KBTBD11: variants seen among roughly 807,000 people sequenced by gnomAD.
The protein encoded by KBTBD11 is kelch repeat and BTB domain-containing protein 11.
For missense variants in KBTBD11, 1,390 were observed against 1,001.8 expected, an observed-to-expected ratio of 1.39 and a Z score of -5.23; for synonymous variants, 747 against 499.0, an observed-to-expected ratio of 1.50 and a Z score of -6.63.
At chr8:1,982,495 A>G (rs1235731504) in intron 1 of KBTBD11, among the ~76,000 whole-genome samples, 1 of 113,786 alleles carries the variant, frequency 8.8e-6, no homozygotes, top group Admixed American at 1.0e-4. Flanking sequence ...AGACCCCACT[A>G]TATGCTGCCT....
intron 1 of KBTBD11, among the ~76,000 whole-genome samples, chr8:1,983,846 G>A (rs949379312): frequency 1.5e-4 from 23 of 152,220 alleles, no homozygotes; most frequent in African/African-American, 5.1e-4. Flanking sequence ...AGTCACACAT[G>A]GGGCTGGGCG....
At chr8:1,996,155 C>A (rs1332246828) in intron 1 of KBTBD11, among the ~76,000 whole-genome samples, 2 of 152,350 alleles carry the variant, frequency 1.3e-5, no homozygotes, top group East Asian at 3.9e-4. Flanking sequence ...TGAATGGCAT[C>A]TTTCTGGTGC....
At position 2,001,816 on chromosome 8, in the gene KBTBD11, G is replaced by A; in HGVS notation, c.624G>A (p.Val208=). ...GGCCCGACAACGTGGCCGAGGTGGT[G>A]GCCGGCGCGCGCCGCCTGCAGCTGC... ...GVRPDNVAEV[V]AGARRLQLPG... is the part of the protein sequence containing the mutation. The change falls in exon 2 of 2, where the codon GTG becomes GTA. Residue 208 remains valine, a synonymous_variant. Coordinates refer to ENST00000320248, the MANE Select transcript of KBTBD11 (RefSeq NM_014867.3). The A allele has an allele frequency of 8.2e-7, 1 of 1,225,978 alleles. No individual in the cohort carries two copies. Among genetic ancestry groups the A allele is most frequent in the Non-Finnish European group, 1.0e-6 (1 of 987,598 alleles). 75.9% of individuals were successfully genotyped at this position (1,225,978 alleles called of 1,614,324 possible).
At chr8:1,974,275 C>G (rs1171225190) in intron 1 of KBTBD11, 4 of 982,046 alleles carry the variant, frequency 4.1e-6, no homozygotes, top group Middle Eastern at 5.2e-4. Flanking sequence ...GGCCCTCCCC[C>G]GGGACGCGGC....
chr8:1,983,692 G>A (rs1206518324), intron 1 of KBTBD11, among the ~76,000 whole-genome samples: 1 of 152,196 alleles, frequency 6.6e-6, no homozygotes, highest in Non-Finnish European at 1.5e-5. Flanking sequence ...ACCTGGGGCA[G>A]TCTTGTGCAA....
intron 1 of KBTBD11, among the ~76,000 whole-genome samples, chr8:1,983,060 T>C (rs77019044): frequency 0.045 from 6,870 of 152,190 alleles, 520 homozygotes; most frequent in African/African-American, 0.16. Context: ...TAGATAATGT[T>C]GACTGTACCC....
Position 2,001,490 on chromosome 8 carries a change from C to G in KBTBD11, c.298C>G (p.Pro100Ala). The stretch of plus-strand genomic sequence containing the variant: ...CGCGTCCCCTGAGGAGCGCGCGTGC[C>G]CGGAAGAGCCCGCGGCGCCGTCCCC... ...ELASPEERAC[P>A]EEPAAPSPEP... The change falls in exon 2 of 2, where the codon CCG becomes GCG. Residue 100 changes from proline to alanine, a missense_variant. Coordinates refer to ENST00000320248, the MANE Select transcript of KBTBD11 (RefSeq NM_014867.3). The G allele has an allele frequency of 7.2e-7, 1 of 1,384,424 alleles. No individual in the cohort carries two copies. Among genetic ancestry groups the G allele is most frequent in the Non-Finnish European group, 9.3e-7 (1 of 1,075,818 alleles). The allele number at this position is 1,384,424 out of a possible 1,614,324, so 85.8% of individuals were successfully genotyped here. A position where few individuals can be genotyped will look rare whatever the true frequency, so the allele number is the denominator to read the frequency against.
intron 1 of KBTBD11, among the ~76,000 whole-genome samples, chr8:1,986,792 T>C (rs1424103031): frequency 6.6e-6 from 1 of 152,150 alleles, no homozygotes; most frequent in Non-Finnish European, 1.5e-5. Flanking sequence ...TAATGCAATA[T>C]AAAGAAACGC....
Position 2,005,386 on chromosome 8 carries a change from C to T in KBTBD11, c.*2322C>T, listed in dbSNP as rs1817541670. The stretch of plus-strand genomic sequence containing the variant: ...TAGTGATATCACATAAAAATACATA[C>T]TAGAGGACCTGCCACGCCATGAGCA... On this transcript the variant is annotated 3_prime_UTR_variant, in exon 2 of 2. Coordinates refer to ENST00000320248, the MANE Select transcript of KBTBD11 (RefSeq NM_014867.3). 6.0e-6 allele frequency: 1 copy of T among 167,072 alleles called. No individual in the cohort carries two copies. Among genetic ancestry groups the T allele is most frequent in the African/African-American group, 2.4e-5 (1 of 41,478 alleles). 10.3% of individuals were successfully genotyped at this position (167,072 alleles called of 1,614,324 possible).
chr8:1,996,100 C>A (rs185553768), intron 1 of KBTBD11, among the ~76,000 whole-genome samples: 1 of 152,160 alleles, frequency 6.6e-6, no homozygotes, highest in Non-Finnish European at 1.5e-5. Flanking sequence ...ACTTATGGCC[C>A]TTCTTTCTTA....
rs1020999064 is a variant in KBTBD11, at chr8:1,985,129, G to A, written c.-909+11194G>A. On this transcript the variant is annotated intron_variant, in intron 1 of 1. Transcript: ENST00000320248. ...CTGTTGCCGACAGCCAGTCAGAGTGGGAGGTGGCTCACTGGAGACCCCCAA... is the reference window on the plus strand; with the variant it reads ...CTGTTGCCGACAGCCAGTCAGAGTGAGAGGTGGCTCACTGGAGACCCCCAA... Among the ~76,000 whole-genome samples, 7 of 152,324 alleles carry A rather than the reference G, an allele frequency of 4.6e-5. 1 individual carries two copies. Among genetic ancestry groups the A allele is most frequent in the Middle Eastern group, 6.8e-3 (2 of 294 alleles).
At chr8:1,992,315 C>A (rs1047568546) in intron 1 of KBTBD11, among the ~76,000 whole-genome samples, 2 of 152,116 alleles carry the variant, frequency 1.3e-5, no homozygotes, top group Non-Finnish European at 2.9e-5. Flanking sequence ...TTCCTGCACA[C>A]AGTACAAAAG....
At chr8:1,999,599 C>T (rs908463899) in intron 1 of KBTBD11, among the ~76,000 whole-genome samples, 2 of 152,218 alleles carry the variant, frequency 1.3e-5, no homozygotes, top group Non-Finnish European at 2.9e-5. Flanking sequence ...ATACTTCATT[C>T]AGTCTTTTCG....
chr8:1,983,418 C>G (rs1372078635), intron 1 of KBTBD11, among the ~76,000 whole-genome samples: 3 of 152,230 alleles, frequency 2.0e-5, no homozygotes, highest in Non-Finnish European at 4.4e-5. Flanking sequence ...TAACCCTGTG[C>G]CTGCCACCGC....
intron 1 of KBTBD11, among the ~76,000 whole-genome samples, chr8:1,993,767 C>G (rs1817023193): frequency 1.3e-5 from 2 of 151,748 alleles, no homozygotes; most frequent in Non-Finnish European, 2.9e-5. Flanking sequence ...GCAACTAAAA[C>G]CGGAAGTGAG....
At chr8:1,978,611 G>A (rs546386785) in intron 1 of KBTBD11, among the ~76,000 whole-genome samples, 5 of 152,318 alleles carry the variant, frequency 3.3e-5, no homozygotes, top group East Asian at 3.9e-4. Flanking sequence ...CTCACGAGGC[G>A]GGGAGGTCAT....
At chr8:1,983,894 C>G (rs1327078921) in intron 1 of KBTBD11, among the ~76,000 whole-genome samples, 1 of 152,178 alleles carries the variant, frequency 6.6e-6, no homozygotes, top group Admixed American at 6.5e-5. Context: ...CTTTGGGAGG[C>G]CAAGGTGGGT....
At chr8:1,998,767 T>G (rs1388632222) in intron 1 of KBTBD11, among the ~76,000 whole-genome samples, 1 of 150,644 alleles carries the variant, frequency 6.6e-6, no homozygotes, top group Non-Finnish European at 1.5e-5. Context: ...AAGTTTGTCT[T>G]AGATTTGCTC....
At position 1,991,047 on chromosome 8, in the gene KBTBD11, GCGCCC is replaced by G. The variant is rs1210191624; in HGVS notation, c.-908-9237_-908-9233del. On this transcript the variant is annotated intron_variant, in intron 1 of 1. Transcript: ENST00000320248. Reference sequence around the variant, plus strand: ...TCCGGGTAGATGCTGCCGGGCCTTGGCGCCCTGTCCGGGTAGATGCTGCGGGGCCT... The same window carrying G: ...TCCGGGTAGATGCTGCCGGGCCTTGGTGTCCGGGTAGATGCTGCGGGGCCT... Among the ~76,000 whole-genome samples, 23 of 75,026 alleles carry G rather than the reference GCGCCC, an allele frequency of 3.1e-4. 2 individuals carry two copies. The highest frequency in any genetic ancestry group is 4.1e-4 in the Admixed American group (3 of 7,256). The allele number at this position is 75,026 out of a possible 152,430, so 49.2% of individuals were successfully genotyped here. A position where few individuals can be genotyped will look rare whatever the true frequency, so the allele number is the denominator to read the frequency against.
Sources: allele counts gnomAD v4.1 joint callset (sites outside exome capture counted in the v4.1 genomes callset), GRCh38; gene constraint gnomAD v4.1.1; transcripts MANE v1.5; gene names NCBI Gene and HGNC (gene_info 2026-07-23, HGNC 2026-07-21).